INPP5D: variants seen among roughly 807,000 people sequenced by gnomAD.
INPP5D encodes inositol polyphosphate-5-phosphatase D, also known as phosphatidylinositol 3,4,5-trisphosphate 5-phosphatase 1.
A neutral mutation model predicts 122.9 loss-of-function variants in INPP5D; 33 were observed. The observed-to-expected ratio is 0.27, with a 90% CI of 0.20 to 0.36. The LOEUF (loss-of-function observed/expected upper bound fraction) is 0.36, where lower values mean the gene tolerates loss of function less well. INPP5D is among the 10% of genes least tolerant of loss of function. The pLI is 1.00. For synonymous variants in INPP5D, 584 were observed against 576.2 expected (o/e 1.01, Z -0.19); for missense variants, 1,053 against 1,412.7 (o/e 0.75, Z 4.08).
chr2:233,081,773 T>TTG (rs1691696539), intron 2 of INPP5D, among the ~76,000 whole-genome samples: 1 of 151,924 alleles, frequency 6.6e-6, no homozygotes, highest in African/African-American at 2.4e-5. Flanking sequence ...GCATGGGGTC[T>TTG]GCACGCAGCT....
At chr2:233,112,695 C>G (rs551197212) in intron 2 of INPP5D, among the ~76,000 whole-genome samples, 1 of 151,938 alleles carries the variant, frequency 6.6e-6, no homozygotes, top group Non-Finnish European at 1.5e-5. Flanking sequence ...TAAAAAATAC[C>G]GCATCTCACT....
In INPP5D at chr2:233,185,913, G is replaced by A. The variant is rs768632204; in HGVS notation, c.2346G>A (p.Glu782=). 1.1e-5 allele frequency: 18 copies of A among 1,605,266 alleles called. No homozygotes were observed. The highest frequency in any genetic ancestry group is 1.4e-5 in the Non-Finnish European group (17 of 1,175,810). Residue 782 remains glutamate (E), a synonymous_variant, in exon 21 of 27, where the codon GAG becomes GAA. Transcript: ENST00000445964. ...GGGAGCTGGTGGTGAAGTTTGGTGAGACTCTTCCAAAGGTAATTCTAGAGC... is the reference window on the plus strand; with the variant it reads ...GGGAGCTGGTGGTGAAGTTTGGTGAAACTCTTCCAAAGGTAATTCTAGAGC... The part of the protein sequence containing the change: ...SEGELVVKFG[E]TLPKLKPIIS...
At position 233,094,512 on chromosome 2, in the gene INPP5D, C is replaced by CAAAAAAAAAAAAAAAAAAAAAAAAAAAAA. The variant is rs58284775; in HGVS notation, c.198+15116_198+15144dup. ...TGGGCAATAGAGCAAGACTCCATCC[C>CAAAAAAAAAAAAAAAAAAAAAAAAAAAAA]AAAAAAAAAAAAAAAAAAAAAAAAA... On this transcript the variant is annotated intron_variant, in intron 2 of 26. Coordinates refer to ENST00000445964, the MANE Select transcript of INPP5D (RefSeq NM_001017915.3). 5.7e-5 allele frequency among the ~76,000 whole-genome samples: 2 copies of CAAAAAAAAAAAAAAAAAAAAAAAAAAAAA among 34,962 alleles called. 1 individual carries two copies. Among genetic ancestry groups the CAAAAAAAAAAAAAAAAAAAAAAAAAAAAA allele is most frequent in the Non-Finnish European group, 9.6e-5 (2 of 20,802 alleles). 22.9% of individuals were successfully genotyped at this position (34,962 alleles called of 152,430 possible).
intron 2 of INPP5D, among the ~76,000 whole-genome samples, chr2:233,089,587 A>G (rs1055897906): frequency 6.6e-6 from 1 of 152,178 alleles, no homozygotes. Context: ...TATTTGAGTC[A>G]TGATCCTTCC....
chr2:233,164,276 G>T lies in INPP5D; in HGVS notation c.1438-31G>T. 9 of 1,531,580 alleles carry T rather than the reference G, an allele frequency of 5.9e-6. No individual in the cohort carries two copies. Among genetic ancestry groups the T allele is most frequent in the Non-Finnish European group, 7.0e-6 (8 of 1,136,048 alleles). 94.9% of individuals were successfully genotyped at this position (1,531,580 alleles called of 1,614,324 possible). A position where few individuals can be genotyped will look rare whatever the true frequency, so the allele number is the denominator to read the frequency against. ...GCCCTGGTTCACACCCTACACTTGG[G>T]CCGAGTATTGCAACGTTGTCCTCCC... On this transcript the variant is annotated intron_variant, in intron 12 of 26. Coordinates refer to ENST00000445964, the MANE Select transcript of INPP5D (RefSeq NM_001017915.3). The surrounding 1 kb of genome is among the most constrained non-coding windows in gnomAD (Gnocchi z 4.3).
At chr2:233,081,754 A>G (rs761377830) in intron 2 of INPP5D, among the ~76,000 whole-genome samples, 1 of 151,598 alleles carries the variant, frequency 6.6e-6, no homozygotes, top group African/African-American at 2.4e-5. Flanking sequence ...GGGCCTTGGA[A>G]CCAGAAGAGC....
At chr2:233,166,814 A>G (rs1694353662) in intron 13 of INPP5D, among the ~76,000 whole-genome samples, 1 of 152,100 alleles carries the variant, frequency 6.6e-6, no homozygotes, top group African/African-American at 2.4e-5. Flanking sequence ...GTGAAATCCC[A>G]TCCCACTAAA....
intron 23 of INPP5D, among the ~76,000 whole-genome samples, chr2:233,194,926 C>T (rs1435797030): frequency 6.6e-6 from 1 of 151,948 alleles, no homozygotes; most frequent in Non-Finnish European, 1.5e-5. Context: ...CCCACCTTCC[C>T]GAGTAGCTGG....
chr2:233,077,859 CAAAA>C (rs10710966), intron 1 of INPP5D, among the ~76,000 whole-genome samples: 1 of 115,650 alleles, frequency 8.6e-6, no homozygotes, highest in Non-Finnish European at 1.8e-5. Context: ...GACTCCGTCT[CAAAA>C]AAAAAAAAAA....
Position 233,182,622 on chromosome 2 carries a change from C to T in INPP5D, c.2161+123C>T, listed in dbSNP as rs561134159. 4.5e-3 allele frequency: 6,461 copies of T among 1,421,468 alleles called. 29 individuals carry two copies. Among genetic ancestry groups the T allele is most frequent in the Non-Finnish European group, 5.5e-3 (5,824 of 1,057,850 alleles). 88.1% of individuals were successfully genotyped at this position (1,421,468 alleles called of 1,614,324 possible). A position where few individuals can be genotyped will look rare whatever the true frequency, so the allele number is the denominator to read the frequency against. On this transcript the variant is annotated intron_variant, in intron 19 of 26. Coordinates refer to ENST00000445964, the MANE Select transcript of INPP5D (RefSeq NM_001017915.3). Reference sequence around the variant, plus strand: ...AGGCTCATTTTCCCAGGCAAGTCCACAATATCAGTCAGTTTCTTCATGTCC... The same window carrying T: ...AGGCTCATTTTCCCAGGCAAGTCCATAATATCAGTCAGTTTCTTCATGTCC...
In INPP5D at chr2:233,170,437, T is replaced by C; in HGVS notation, c.1792-59T>C. ...AGCTGCCCGCCCCCAGCCCCGAAGC[T>C]TGTCAGGCCTGGATCAGCAGGGCTT... On this transcript the variant is annotated intron_variant, in intron 15 of 26. Coordinates refer to ENST00000445964, the MANE Select transcript of INPP5D (RefSeq NM_001017915.3). The surrounding 1 kb of genome is among the most constrained non-coding windows in gnomAD (Gnocchi z 4.5). The C allele has an allele frequency of 6.2e-7, 1 of 1,608,154 alleles. No homozygotes were observed. The highest frequency in any genetic ancestry group is 8.5e-7 in the Non-Finnish European group (1 of 1,176,528).
Position 233,130,589 on chromosome 2 carries a change from G to T in INPP5D, c.606G>T (p.Gly202=). ...LAQDSEFVKT[G]SSSLPHLKKL... is the part of the protein sequence containing the mutation. ...AGGACTCTGAATTTGTGAAGACAGG[G>T]TCCAGCAGTCTTCCTCACCTGAAGA... Residue 202 remains glycine (G), a synonymous_variant, in exon 5 of 27, where the codon GGG becomes GGT. Coordinates refer to ENST00000445964, the MANE Select transcript of INPP5D (RefSeq NM_001017915.3). 3 of 1,613,926 alleles carry T rather than the reference G, an allele frequency of 1.9e-6. No homozygotes were observed. The highest frequency in any genetic ancestry group is 2.5e-6 in the Non-Finnish European group (3 of 1,179,862).
chr2:233,155,623 A>AAAATAAATAAAT (rs1189446853), intron 9 of INPP5D, among the ~76,000 whole-genome samples: 3 of 101,576 alleles, frequency 3.0e-5, no homozygotes, highest in African/African-American at 1.1e-4. Context: ...TCCATCTCAA[A>AAAATAAATAAAT]AAATAAATAA....
chr2:233,117,078 C>T (rs762773858), intron 2 of INPP5D, among the ~76,000 whole-genome samples: 2 of 152,148 alleles, frequency 1.3e-5, no homozygotes, highest in African/African-American at 2.4e-5. Flanking sequence ...ACTTGGGGGC[C>T]GCCGGTAACC....
intron 5 of INPP5D, among the ~76,000 whole-genome samples, chr2:233,131,728 G>C (rs1368392712): frequency 6.6e-6 from 1 of 151,998 alleles, no homozygotes; most frequent in Non-Finnish European, 1.5e-5. Flanking sequence ...AGGAAAGAAA[G>C]GTCAACATTT....
intron 2 of INPP5D, among the ~76,000 whole-genome samples, chr2:233,092,399 T>C (rs1692016145): frequency 6.6e-6 from 1 of 152,028 alleles, no homozygotes; most frequent in African/African-American, 2.4e-5. Flanking sequence ...ATATCCCTCA[T>C]AGGCTCTGGG....
intron 25 of INPP5D, 126 bp from the exon 26 acceptor site, chr2:233,204,000 A>T: frequency 1.5e-6 from 2 of 1,375,722 alleles, no homozygotes; most frequent in South Asian, 1.8e-5. Flanking sequence ...TTGCAATGTT[A>T]CATGTCTCTA....
At chr2:233,110,618 T>C (rs1452370694) in intron 2 of INPP5D, among the ~76,000 whole-genome samples, 4 of 152,186 alleles carry the variant, frequency 2.6e-5, no homozygotes, top group Admixed American at 1.3e-4. Context: ...TTACAGTGTT[T>C]AGCTCAAAAA....
At chr2:233,192,864 G>A (rs2106322254) in intron 22 of INPP5D, among the ~76,000 whole-genome samples, 1 of 152,340 alleles carries the variant, frequency 6.6e-6, no homozygotes, top group East Asian at 1.9e-4. Flanking sequence ...TGTCTCAGCT[G>A]ACCTCACCAC....
Sources: allele counts gnomAD v4.1 joint callset (sites outside exome capture counted in the v4.1 genomes callset), GRCh38; gene constraint gnomAD v4.1.1; non-coding constraint Gnocchi (gnomAD v3.1); transcripts MANE v1.5; gene names NCBI Gene and HGNC (gene_info 2026-07-23, HGNC 2026-07-21).